The following SUGCT variants were observed in gnomAD, a reference collection of about 807,000 sequenced individuals.
SUGCT encodes succinyl-CoA:glutarate CoA-transferase.
SUGCT carries 41 observed loss-of-function variants against 55.0 expected under a neutral mutation model. The observed-to-expected ratio is 0.74, with a 90% CI of 0.58 to 0.97. SUGCT has a LOEUF of 0.97. Among genes scored for constraint, SUGCT ranks in the 50% least tolerant of loss-of-function variants. The pLI, the probability that SUGCT is intolerant of heterozygous loss-of-function variation, is 0.00. For missense variants in SUGCT, 568 were observed against 547.8 expected, an observed-to-expected ratio of 1.04 and a Z score of -0.37; for synonymous variants, 187 against 200.4, an observed-to-expected ratio of 0.93 and a Z score of 0.56.
chr7:40,691,396 C>T (rs546732610), intron 12 of SUGCT, among the ~76,000 whole-genome samples: 1 of 151,978 alleles, frequency 6.6e-6, no homozygotes, highest in East Asian at 1.9e-4. Context: ...ATATTTCTTA[C>T]TGATCATGAG....
At chr7:40,755,047 G>A (rs1320909526) in intron 13 of SUGCT, among the ~76,000 whole-genome samples, 1 of 152,200 alleles carries the variant, frequency 6.6e-6, no homozygotes, top group Admixed American at 6.5e-5. Context: ...GCACTCCAGT[G>A]GAGAAACAGG....
chr7:40,153,297 T>C (rs894693231), intron 1 of SUGCT: 1 of 397,218 alleles, frequency 2.5e-6, no homozygotes, highest in African/African-American at 2.2e-5. Context: ...GTGTAAAGTT[T>C]AGAGTCATGT....
chr7:40,305,630 C>T lies in SUGCT; in HGVS notation c.721-11130C>T, dbSNP rs114448769. Among the ~76,000 whole-genome samples, 887 of 152,178 alleles carry T rather than the reference C, an allele frequency of 5.8e-3. 6 individuals carry two copies. Among genetic ancestry groups the T allele is most frequent in the African/African-American group, 0.021 (857 of 41,540 alleles). On this transcript the variant is annotated intron_variant, in intron 8 of 13. Coordinates refer to ENST00000335693, the MANE Select transcript of SUGCT (RefSeq NM_001193313.2). ...ACTCCACATCTTCAATTATTCTTTT[C>T]TCTTGTATATGTAGATGAACTCCAG...
intron 13 of SUGCT, 72 bp from the exon 14 acceptor site, chr7:40,860,244 C>T: frequency 6.3e-7 from 1 of 1,590,018 alleles, no homozygotes; most frequent in East Asian, 2.2e-5. Context: ...GAAAACACCC[C>T]AGGCTGCTTA....
the SUGCT span, among the ~76,000 whole-genome samples, chr7:40,893,825 C>T: frequency 6.6e-6 from 1 of 152,062 alleles, no homozygotes; most frequent in African/African-American, 2.4e-5. Flanking sequence ...CTTTGGGAGG[C>T]CAAGGTGGGC....
Position 40,316,844 on chromosome 7 carries a change from G to T in SUGCT, c.805G>T (p.Val269Phe). The T allele has an allele frequency of 6.3e-7, 1 of 1,581,960 alleles. No homozygotes were observed. The change falls in exon 9 of 14, where the codon GTT becomes TTT. Residue 269 changes from valine to phenylalanine, a missense_variant. Physicochemically the swap from Val to Phe is conservative, Grantham distance 50. Coordinates refer to ENST00000335693, the MANE Select transcript of SUGCT (RefSeq NM_001193313.2). ...KRWGTAHGSI[V>F]PYQAFKTKDG... The stretch of plus-strand genomic sequence containing the variant: ...TTGGGGTACAGCTCATGGCAGTATC[G>T]TTCCTTACCAGGTAAGACTACAGCA...
At chr7:40,709,233 G>A (rs1785579832) in intron 12 of SUGCT, among the ~76,000 whole-genome samples, 1 of 152,182 alleles carries the variant, frequency 6.6e-6, no homozygotes, top group African/African-American at 2.4e-5. Context: ...TCCCACATGT[G>A]TTAACTCTTC....
intron 13 of SUGCT, chr7:40,775,472 G>A (rs937820718): frequency 1.3e-5 from 2 of 152,206 alleles, no homozygotes; most frequent in Non-Finnish European, 2.9e-5. Flanking sequence ...TGCATTGAGT[G>A]CTAACTCTGT....
At chr7:40,778,658 C>T (rs1237785522) in intron 13 of SUGCT, among the ~76,000 whole-genome samples, 1 of 152,234 alleles carries the variant, frequency 6.6e-6, no homozygotes, top group Admixed American at 6.5e-5. Context: ...GATCACAGGC[C>T]TGGAGGCCAA....
chr7:40,619,006 G>T (rs745380238), intron 12 of SUGCT, among the ~76,000 whole-genome samples: 3 of 152,122 alleles, frequency 2.0e-5, no homozygotes, highest in Admixed American at 2.0e-4. Context: ...AAAACCCACC[G>T]TCTTTGAGTC....
At chr7:40,964,961 C>T in the SUGCT span, 1 of 152,220 alleles carries the variant, frequency 6.6e-6, no homozygotes, top group African/African-American at 2.4e-5. Flanking sequence ...AAAGAGTTGT[C>T]TAAAGGTTAA....
At chr7:40,413,315 A>T (rs527429957) in intron 9 of SUGCT, among the ~76,000 whole-genome samples, 3 of 152,208 alleles carry the variant, frequency 2.0e-5, no homozygotes, top group African/African-American at 7.2e-5. Flanking sequence ...CATCTCCTCA[A>T]GAATACTGCT....
At chr7:40,366,548 A>G (rs535524537) in intron 9 of SUGCT, among the ~76,000 whole-genome samples, 5 of 151,560 alleles carry the variant, frequency 3.3e-5, no homozygotes, top group Middle Eastern at 3.4e-3. Flanking sequence ...AATCTACAAT[A>G]AAATCAAACA....
chr7:40,912,437 T>C, the SUGCT span, among the ~76,000 whole-genome samples: 1 of 152,218 alleles, frequency 6.6e-6, no homozygotes, highest in African/African-American at 2.4e-5. Context: ...AATTATAACA[T>C]TGTTCCATGG....
intron 12 of SUGCT, among the ~76,000 whole-genome samples, chr7:40,654,247 G>A (rs1357296633): frequency 6.6e-6 from 1 of 152,004 alleles, no homozygotes; most frequent in Non-Finnish European, 1.5e-5. Context: ...AGAATGAAAA[G>A]GATAAGAAGA....
chr7:40,197,472 G>T (rs1277838515), intron 6 of SUGCT, among the ~76,000 whole-genome samples: 3 of 152,168 alleles, frequency 2.0e-5, no homozygotes, highest in Non-Finnish European at 4.4e-5. Context: ...TGGTTGGCTG[G>T]GATTCAGTTG....
At chr7:40,178,870 ATAT>A (rs1336407669) in intron 1 of SUGCT, among the ~76,000 whole-genome samples, 1 of 152,094 alleles carries the variant, frequency 6.6e-6, no homozygotes. Context: ...AAAGAAGCTC[ATAT>A]TATTAGGTTT....
chr7:40,900,255 C>T, the SUGCT span, among the ~76,000 whole-genome samples: 3 of 152,206 alleles, frequency 2.0e-5, no homozygotes, highest in Non-Finnish European at 4.4e-5. Flanking sequence ...CATTTCTAAC[C>T]GCCCAGCTAT....
chr7:40,366,456 C>G (rs1783972567), intron 9 of SUGCT, among the ~76,000 whole-genome samples: 1 of 151,994 alleles, frequency 6.6e-6, no homozygotes, highest in African/African-American at 2.4e-5. Context: ...GCAAAAGAAA[C>G]TACCATCAGA....
Sources: allele counts gnomAD v4.1 joint callset (sites outside exome capture counted in the v4.1 genomes callset), GRCh38; gene constraint gnomAD v4.1.1; transcripts MANE v1.5; gene names NCBI Gene and HGNC (gene_info 2026-07-23, HGNC 2026-07-21).